OR7C1: variants seen among roughly 807,000 people sequenced by gnomAD.
OR7C1 encodes olfactory receptor 7C1.
For missense variants in OR7C1, 324 were observed against 383.3 expected, an observed-to-expected ratio of 0.85 and a Z score of 1.29; for synonymous variants, 152 against 160.7, an observed-to-expected ratio of 0.95 and a Z score of 0.41.
rs751214221 is a variant in OR7C1, at chr19:14,812,606, G to T, written c.-622-2613C>A. Among the ~76,000 whole-genome samples the T allele has an allele frequency of 3.4e-4, 51 of 151,418 alleles. 1 individual carries two copies. Among genetic ancestry groups the T allele is most frequent in the Non-Finnish European group, 1.8e-4 (12 of 67,924 alleles). On this transcript the variant is annotated intron_variant, in intron 1 of 4. Coordinates refer to ENST00000641666, the Ensembl canonical transcript of OR7C1. Reference sequence around the variant, plus strand: ...AAAAGGGACAGGAATTTCTCACTCGGGGAGCATGGATTTTAAGACGCTAGC... The same window carrying T: ...AAAAGGGACAGGAATTTCTCACTCGTGGAGCATGGATTTTAAGACGCTAGC...
At chr19:14,813,601 G>T (rs933231470) in intron 1 of OR7C1, among the ~76,000 whole-genome samples, 1 of 152,040 alleles carries the variant, frequency 6.6e-6, no homozygotes, top group Non-Finnish European at 1.5e-5. Context: ...AACAAAAAAG[G>T]TTTAATTGCC....
intron 1 of OR7C1, among the ~76,000 whole-genome samples, chr19:14,832,174 T>A (rs1458693819): frequency 1.3e-5 from 2 of 152,156 alleles, no homozygotes; most frequent in Admixed American, 6.6e-5. Flanking sequence ...CCTCCCAAAG[T>A]GCTGGAATTA....
intron 1 of OR7C1, among the ~76,000 whole-genome samples, chr19:14,815,229 C>T (rs2044710824): frequency 6.6e-6 from 1 of 152,192 alleles, no homozygotes; most frequent in African/African-American, 2.4e-5. Flanking sequence ...TCTGGCTCGT[C>T]TACAGAGGCT....
intron 1 of OR7C1, among the ~76,000 whole-genome samples, chr19:14,821,919 A>C (rs2044742702): frequency 6.6e-6 from 1 of 152,178 alleles, no homozygotes; most frequent in African/African-American, 2.4e-5. Flanking sequence ...CTATGAGTTC[A>C]TTATCATTTT....
exon 3 of OR7C1, chr19:14,800,683 T>C (rs1413645527): frequency 6.6e-6 from 1 of 152,342 alleles, no homozygotes; most frequent in Non-Finnish European, 1.5e-5. Context: ...CGGCAGGAAC[T>C]AAGGACTAGA....
At chr19:14,824,437 C>A (rs1446347459) in intron 1 of OR7C1, 1 of 152,064 alleles carries the variant, frequency 6.6e-6, no homozygotes, top group Non-Finnish European at 1.5e-5. Flanking sequence ...CCGTGTGTAC[C>A]CAATGTTTAG....
intron 1 of OR7C1, among the ~76,000 whole-genome samples, chr19:14,831,271 C>T (rs1335510055): frequency 1.3e-5 from 2 of 152,062 alleles, no homozygotes; most frequent in African/African-American, 4.8e-5. Flanking sequence ...AAGAAACATA[C>T]AAACAATGAC....
intron 1 of OR7C1, chr19:14,827,872 C>A: frequency 1.2e-6 from 2 of 1,614,154 alleles, no homozygotes; most frequent in Non-Finnish European, 1.7e-6. Flanking sequence ...CAGATGGCCA[C>A]AAACCGGTCA....
At chr19:14,805,571 A>G (rs1368932028) in intron 2 of OR7C1, among the ~76,000 whole-genome samples, 6 of 151,552 alleles carry the variant, frequency 4.0e-5, no homozygotes, top group Non-Finnish European at 8.8e-5. Flanking sequence ...ATGTGCCACC[A>G]CAGCCGGCCT....
intron 1 of OR7C1, among the ~76,000 whole-genome samples, chr19:14,833,488 G>A (rs997328624): frequency 6.6e-6 from 1 of 152,238 alleles, no homozygotes; most frequent in Non-Finnish European, 1.5e-5. Context: ...CAAAAAAAAA[G>A]TAAACAATGC....
At chr19:14,800,637 G>A (rs1174342504) in exon 3 of OR7C1, 1 of 152,684 alleles carries the variant, frequency 6.5e-6, no homozygotes, top group African/African-American at 2.4e-5. Flanking sequence ...GCGAGCTGCA[G>A]ACACAAACAA....
intron 1 of OR7C1, among the ~76,000 whole-genome samples, chr19:14,832,878 TATA>T (rs915005561): frequency 3.3e-5 from 5 of 152,314 alleles, no homozygotes; most frequent in South Asian, 2.1e-4. Context: ...ACTGACATGC[TATA>T]ATAATAATTT....
At chr19:14,830,964 C>G (rs1367539369) in intron 1 of OR7C1, among the ~76,000 whole-genome samples, 1 of 152,200 alleles carries the variant, frequency 6.6e-6, no homozygotes, top group Non-Finnish European at 1.5e-5. Context: ...CTCTTCAGCT[C>G]GCAGCACAAG....
At chr19:14,806,843 A>G (rs1408807527) in intron 2 of OR7C1, among the ~76,000 whole-genome samples, 2 of 152,098 alleles carry the variant, frequency 1.3e-5, no homozygotes, top group East Asian at 1.9e-4. Context: ...TGCAATAAAC[A>G]TATGTGTGGA....
chr19:14,827,305 G>A (rs762394898), intron 1 of OR7C1: 2 of 1,553,764 alleles, frequency 1.3e-6, no homozygotes, highest in African/African-American at 2.7e-5. Flanking sequence ...TTGAAAAATT[G>A]CCCTTTCATT....
At chr19:14,829,446 G>A (rs935181340) in intron 1 of OR7C1, among the ~76,000 whole-genome samples, 3 of 152,236 alleles carry the variant, frequency 2.0e-5, no homozygotes, top group South Asian at 2.1e-4. Flanking sequence ...CAGGTGATCC[G>A]CTCACCTCGG....
chr19:14,808,036 A>G (rs1246179731), intron 2 of OR7C1, among the ~76,000 whole-genome samples: 1 of 151,818 alleles, frequency 6.6e-6, no homozygotes, highest in African/African-American at 2.4e-5. Flanking sequence ...CATCAGATAA[A>G]TGCAAATTAA....
At chr19:14,820,813 C>T (rs547178223) in intron 1 of OR7C1, among the ~76,000 whole-genome samples, 31 of 152,226 alleles carry the variant, frequency 2.0e-4, no homozygotes, top group African/African-American at 7.2e-4. Context: ...GTCTTTGCAT[C>T]TTGCACGAGG....
intron 1 of OR7C1, among the ~76,000 whole-genome samples, chr19:14,810,677 G>A (rs1033265080): frequency 5.9e-5 from 9 of 151,782 alleles, no homozygotes; most frequent in African/African-American, 1.5e-4. Context: ...GAGCCATGGC[G>A]CCAGGCCCGA....
Sources: allele counts gnomAD v4.1 joint callset (sites outside exome capture counted in the v4.1 genomes callset), GRCh38; gene constraint gnomAD v4.1.1; transcripts MANE v1.5; gene names NCBI Gene and HGNC (gene_info 2026-07-23, HGNC 2026-07-21).